Variants in NCOA6 observed in about 807,000 individuals in gnomAD.
NCOA6 encodes the protein nuclear receptor coactivator 6, also known as NRC RAP250.
Under a neutral mutation model 171.4 loss-of-function variants are expected in NCOA6, and 49 were observed. The ratio of observed to expected loss-of-function variants is 0.29; its 90% confidence interval spans 0.23 to 0.36. NCOA6 has a LOEUF of 0.36. NCOA6 is among the 10% of genes least tolerant of loss of function. NCOA6 has a pLI of 1.00. For synonymous variants in NCOA6, 910 were observed against 927.5 expected, an observed-to-expected ratio of 0.98 and a Z score of 0.34; for missense variants, 2,248 against 2,554.5, an observed-to-expected ratio of 0.88 and a Z score of 2.59.
At chr20:34,807,883 C>T (rs1416443164) in intron 1 of NCOA6, among the ~76,000 whole-genome samples, 4 of 148,586 alleles carry the variant, frequency 2.7e-5, no homozygotes, top group Non-Finnish European at 6.0e-5. Flanking sequence ...GGCCTGGTGG[C>T]TCATGCCTGT....
intron 3 of NCOA6, among the ~76,000 whole-genome samples, chr20:34,780,089 T>C (rs2077469052): frequency 6.6e-6 from 1 of 152,208 alleles, no homozygotes; most frequent in Admixed American, 6.5e-5. Flanking sequence ...GGCAGGAAGT[T>C]TGGGGATCCT....
At position 34,757,482 on chromosome 20, in the gene NCOA6, G is replaced by A; in HGVS notation, c.1266C>T (p.His422=). 1.9e-6 allele frequency: 3 copies of A among 1,613,930 alleles called. No homozygotes were observed. The highest frequency in any genetic ancestry group is 2.5e-6 in the Non-Finnish European group (3 of 1,179,880). Residue 422 remains histidine (H), a synonymous_variant, in exon 7 of 15, where the codon CAC becomes CAT. Transcript: ENST00000359003. ...SRVPTPLQQP[H]LTNKSPASSP... ...AGGAGGCAGGAGACTTGTTGGTGAG[G>A]TGGGGCTGCTGCAAGGGAGTTGGGA...
At chr20:34,809,704 C>A (rs74931283) in intron 1 of NCOA6, among the ~76,000 whole-genome samples, 1 of 152,176 alleles carries the variant, frequency 6.6e-6, no homozygotes, top group Admixed American at 6.5e-5. Context: ...CTGTGGCTCA[C>A]GCCTGTAATC....
chr20:34,730,712 C>CT (rs141101262), intron 13 of NCOA6, among the ~76,000 whole-genome samples: 103,847 of 129,042 alleles, frequency 0.8, 41,957 homozygotes, highest in Admixed American at 0.88. Flanking sequence ...ATGTTCTAGA[C>CT]TTTTTTTTTT....
intron 1 of NCOA6, among the ~76,000 whole-genome samples, chr20:34,818,599 A>G (rs2146736916): frequency 6.6e-6 from 1 of 152,164 alleles, no homozygotes; most frequent in African/African-American, 2.4e-5. Context: ...TTATGCTTTC[A>G]CTCAGCCTGG....
chr20:34,755,483 G>C (rs1195570263), intron 7 of NCOA6, among the ~76,000 whole-genome samples: 1 of 152,098 alleles, frequency 6.6e-6, no homozygotes, highest in South Asian at 2.1e-4. Flanking sequence ...CCCCTCATAA[G>C]GTTTGCTGTG....
At chr20:34,775,522 TAAAAATAC>T (rs2077285162) in intron 4 of NCOA6, among the ~76,000 whole-genome samples, 1 of 151,200 alleles carries the variant, frequency 6.6e-6, no homozygotes, top group African/African-American at 2.4e-5. Context: ...CCATCTCTAC[TAAAAATAC>T]AAAAATTAGC....
Position 34,750,650 on chromosome 20 carries a change from T to C in NCOA6, c.1676-131A>G, listed in dbSNP as rs1003908731. 9.9e-6 allele frequency: 10 copies of C among 1,005,780 alleles called. 1 individual carries two copies. Among genetic ancestry groups the C allele is most frequent in the Admixed American group, 6.3e-5 (2 of 31,678 alleles). 62.3% of individuals were successfully genotyped at this position (1,005,780 alleles called of 1,614,324 possible). A position where few individuals can be genotyped will look rare whatever the true frequency, so the allele number is the denominator to read the frequency against. ...CCACTGACCAACATAAATATGCTGT[T>C]GACATACTTCCTGTGAGTTTTCTAA... On this transcript the variant is annotated intron_variant, in intron 8 of 14. Transcript: ENST00000359003.
At chr20:34,729,515 G>T (rs1172926110) in intron 13 of NCOA6, among the ~76,000 whole-genome samples, 2 of 150,376 alleles carry the variant, frequency 1.3e-5, no homozygotes, top group African/African-American at 4.9e-5. Flanking sequence ...TGCAAGACAT[G>T]TAACAAATAA....
chr20:34,738,973 T>C (rs1433357097), intron 11 of NCOA6: 5 of 455,826 alleles, frequency 1.1e-5, no homozygotes. Context: ...TGGCCTAGGA[T>C]ATCGTAAAGG....
intron 2 of NCOA6, among the ~76,000 whole-genome samples, chr20:34,788,979 T>C (rs2077777005): frequency 6.6e-6 from 1 of 152,190 alleles, no homozygotes; most frequent in African/African-American, 2.4e-5. Context: ...CTTTAGCAGG[T>C]TGATGTTTTG....
At chr20:34,806,567 G>A (rs2078457628) in intron 1 of NCOA6, among the ~76,000 whole-genome samples, 1 of 152,116 alleles carries the variant, frequency 6.6e-6, no homozygotes, top group African/African-American at 2.4e-5. Flanking sequence ...AGCTCATTTT[G>A]AGTTGATTTT....
intron 6 of NCOA6, 99 bp from the exon 7 acceptor site, chr20:34,758,203 T>C: frequency 3.5e-6 from 5 of 1,443,866 alleles, no homozygotes; most frequent in Non-Finnish European, 4.6e-6. Flanking sequence ...CAAAATCTGC[T>C]GGTACTATTC....
At chr20:34,821,941 A>T (rs1449166212) in intron 1 of NCOA6, among the ~76,000 whole-genome samples, 2 of 152,138 alleles carry the variant, frequency 1.3e-5, no homozygotes, top group South Asian at 2.1e-4. Context: ...CCAGAAATTT[A>T]AAAAACTCCC....
intron 14 of NCOA6, among the ~76,000 whole-genome samples, chr20:34,724,296 T>G (rs1989711460): frequency 6.6e-6 from 1 of 152,168 alleles, no homozygotes; most frequent in Admixed American, 6.6e-5. Flanking sequence ...TGATGGTACT[T>G]TGTACACCTC....
At chr20:34,738,255 AAAC>A (rs2076017919) in intron 11 of NCOA6, among the ~76,000 whole-genome samples, 1 of 152,124 alleles carries the variant, frequency 6.6e-6, no homozygotes, top group African/African-American at 2.4e-5. Flanking sequence ...AAAAGAACAG[AAAC>A]AATCACTTAT....
intron 1 of NCOA6, among the ~76,000 whole-genome samples, chr20:34,807,301 C>G (rs1204558866): frequency 6.6e-6 from 1 of 152,108 alleles, no homozygotes; most frequent in Non-Finnish European, 1.5e-5. Context: ...CCCAGCCAAG[C>G]GCTAAGATGA....
chr20:34,727,367 C>T lies in NCOA6; in HGVS notation c.6040G>A (p.Gly2014Ser), dbSNP rs2147025531. ...TCTTCAGTTCGGGAGTTTCTTCGGC[C>T]TGGGATTTTGGACTTTTCAACTATC... ...KEIVEKSKIP[G>S]RRNSRTEEPT... Residue 2014 changes from glycine to serine, a missense_variant, in exon 14 of 15, where the codon GGC becomes AGC. By Grantham distance (56) the Gly-to-Ser change is moderately conservative. Transcript: ENST00000359003. 3.7e-6 allele frequency: 6 copies of T among 1,614,022 alleles called. No individual in the cohort carries two copies. Among genetic ancestry groups the T allele is most frequent in the Non-Finnish European group, 5.1e-6 (6 of 1,180,036 alleles).
intron 14 of NCOA6, among the ~76,000 whole-genome samples, chr20:34,726,992 A>C (rs1188649576): frequency 2.6e-5 from 4 of 152,182 alleles, no homozygotes; most frequent in Admixed American, 6.5e-5. Flanking sequence ...ACAACAACAA[A>C]AAAACCCAAA....
Sources: allele counts gnomAD v4.1 joint callset (sites outside exome capture counted in the v4.1 genomes callset), GRCh38; gene constraint gnomAD v4.1.1; transcripts MANE v1.5; gene names NCBI Gene and HGNC (gene_info 2026-07-23, HGNC 2026-07-21).